The following LIPA variants were observed in gnomAD, a reference collection of about 807,000 sequenced individuals.
The protein encoded by LIPA is lipase A, lysosomal acid type.
Under a neutral mutation model 40.6 loss-of-function variants are expected in LIPA, and 26 were observed. That is an observed-to-expected ratio of 0.64 (90% CI 0.47 to 0.89). The LOEUF is 0.89. Ranked by LOEUF, LIPA falls within the 40% of genes least tolerant of loss-of-function variation. The pLI is 0.00. For synonymous variants in LIPA, 188 were observed against 168.4 expected (o/e 1.12, Z -0.90); for missense variants, 455 against 479.6 (o/e 0.95, Z 0.48).
Position 89,214,848 on chromosome 10 carries a change from G to C in LIPA, c.1180C>G (p.Leu394Val). Residue 394 changes from leucine to valine, a missense_variant, in exon 10 of 10, where the codon CTA (leucine) becomes GTA (valine). Leu to Val is a conservative substitution (Grantham distance 32). Transcript: ENST00000336233. ...AGCTTTCACTGATATTTCCTCATTA[G>C]ATTAATAATTTTATTATAAAGCCTC... is the stretch of plus-strand genomic sequence containing the variant. ...PWRLYNKIIN[L>V]MRKYQ is the part of the protein sequence containing the mutation. 6.2e-7 allele frequency: 1 copy of C among 1,600,466 alleles called. No individual in the cohort carries two copies. The highest frequency in any genetic ancestry group is 2.2e-5 in the East Asian group (1 of 44,838).
chr10:89,324,647 T>C (rs755234336), intron 1 of LIPA, among the ~76,000 whole-genome samples: 11 of 152,092 alleles, frequency 7.2e-5, no homozygotes, highest in Non-Finnish European at 1.3e-4. Context: ...TGAGAATCTA[T>C]AAGAAACTTA....
At chr10:89,327,868 A>C (rs947581710) in intron 1 of LIPA, 25 of 538,994 alleles carry the variant, frequency 4.6e-5, no homozygotes, top group Non-Finnish European at 7.0e-5. Flanking sequence ...CAACGATTTT[A>C]AATTAGTTTC....
rs537966234 is a variant in LIPA, at chr10:89,388,348, C to T, written c.61+24443G>A. Among the ~76,000 whole-genome samples the T allele has an allele frequency of 9.8e-4, 149 of 152,260 alleles. 2 individuals are homozygous for T. The highest frequency in any genetic ancestry group is 2.7e-3 in the Admixed American group (42 of 15,304). On this transcript the variant is annotated intron_variant, in intron 2 of 8. Coordinates refer to the LIPA transcript ENST00000371837. ...CTCGAACCCCTGACCTCAGGTGATC[C>T]GCCCATCTTGGCCTCCCACAGTGCT...
At chr10:89,407,269 G>C (rs893369350) in intron 2 of LIPA, among the ~76,000 whole-genome samples, 2 of 152,058 alleles carry the variant, frequency 1.3e-5, no homozygotes, top group African/African-American at 4.8e-5. Context: ...TTGCCTCCTG[G>C]GTCCTAATGC....
At chr10:89,383,266 C>A in intron 2 of LIPA, 1 of 1,480,596 alleles carries the variant, frequency 6.8e-7, no homozygotes, top group Non-Finnish European at 9.2e-7. Context: ...GCTTCATTTT[C>A]AGTGGACTGA....
chr10:89,259,779 AAAC>A (rs1589581194), intron 1 of LIPA, among the ~76,000 whole-genome samples: 1 of 152,290 alleles, frequency 6.6e-6, no homozygotes, highest in East Asian at 1.9e-4. Flanking sequence ...GAAAGAGGAC[AAAC>A]AAAAACAGTA....
At chr10:89,339,138 G>A (rs2863758) in intron 1 of LIPA, 2 of 1,614,092 alleles carry the variant, frequency 1.2e-6, no homozygotes, top group South Asian at 2.2e-5. Context: ...GTTTTGAGAA[G>A]GCTCTGGAAG....
chr10:89,365,798 CCATT>C (rs1844052664), intron 2 of LIPA, among the ~76,000 whole-genome samples: 1 of 152,110 alleles, frequency 6.6e-6, no homozygotes, highest in Non-Finnish European at 1.5e-5. Flanking sequence ...CTGTTCTGTT[CCATT>C]GGTGTACATC....
At chr10:89,290,184 C>T (rs1464721064) in intron 1 of LIPA, among the ~76,000 whole-genome samples, 1 of 152,168 alleles carries the variant, frequency 6.6e-6, no homozygotes, top group Non-Finnish European at 1.5e-5. Context: ...GTCCTGGGTC[C>T]TCCCAATTCT....
At chr10:89,309,749 C>A (rs1274483653) in intron 1 of LIPA, among the ~76,000 whole-genome samples, 1 of 152,178 alleles carries the variant, frequency 6.6e-6, no homozygotes, top group Non-Finnish European at 1.5e-5. Context: ...TTAAAGTTAA[C>A]AAATGATTGG....
At chr10:89,327,007 A>C (rs1407210909) in intron 1 of LIPA, among the ~76,000 whole-genome samples, 2 of 152,246 alleles carry the variant, frequency 1.3e-5, no homozygotes, top group Admixed American at 6.5e-5. Flanking sequence ...AAGGTGGGAC[A>C]ATTGGAAACA....
intron 2 of LIPA, among the ~76,000 whole-genome samples, chr10:89,366,515 GA>G (rs140054360): frequency 1.3e-5 from 2 of 151,874 alleles, no homozygotes; most frequent in Non-Finnish European, 2.9e-5. Flanking sequence ...AAATTTACAA[GA>G]AAAAAACAGA....
intron 1 of LIPA, among the ~76,000 whole-genome samples, chr10:89,266,801 T>G (rs1249009806): frequency 2.6e-5 from 4 of 152,260 alleles, no homozygotes; most frequent in Admixed American, 2.6e-4. Flanking sequence ...GTTCTGTGAC[T>G]TAATGTCTGT....
At chr10:89,396,914 T>C (rs1175063505) in intron 2 of LIPA, among the ~76,000 whole-genome samples, 1 of 152,240 alleles carries the variant, frequency 6.6e-6, no homozygotes, top group Non-Finnish European at 1.5e-5. Flanking sequence ...TGCCCATTTT[T>C]AAATTGGGTT....
At chr10:89,278,531 G>A (rs1365401600) in intron 1 of LIPA, 1 of 152,174 alleles carries the variant, frequency 6.6e-6, no homozygotes, top group Non-Finnish European at 1.5e-5. Context: ...GGGAAAGAGA[G>A]GTTAAGCAAG....
At position 89,388,153 on chromosome 10, in the gene LIPA, T is replaced by G. The variant is rs537438967; in HGVS notation, c.61+24638A>C. On this transcript the variant is annotated intron_variant, in intron 2 of 8. Transcript: ENST00000371837. ...CAGTGTCTCGCTCTGTCACCCAGGCTGGAGTGCAGTGGCATGATCTCAGCT... is the reference window on the plus strand; with the variant it reads ...CAGTGTCTCGCTCTGTCACCCAGGCGGGAGTGCAGTGGCATGATCTCAGCT... Among the ~76,000 whole-genome samples, 191 of 152,278 alleles carry G rather than the reference T, an allele frequency of 1.3e-3. 1 individual carries two copies. The highest frequency in any genetic ancestry group is 2.3e-3 in the Non-Finnish European group (156 of 68,020).
intron 2 of LIPA, chr10:89,403,833 TAATA>T (rs1363421847): frequency 1.1e-5 from 7 of 625,532 alleles, no homozygotes; most frequent in Admixed American, 3.4e-5. Flanking sequence ...AATTCTTGAA[TAATA>T]AATCTGACAA....
chr10:89,255,034 G>T (rs565006824), upstream of LIPA, among the ~76,000 whole-genome samples: 1 of 152,164 alleles, frequency 6.6e-6, no homozygotes, highest in African/African-American at 2.4e-5. Context: ...ACTTTCCCAC[G>T]TCTTCCTGAC....
At chr10:89,247,466 C>G (rs977806676) in intron 2 of LIPA, 72 bp downstream of exon 2, 1 of 782,844 alleles carries the variant, frequency 1.3e-6, no homozygotes, top group African/African-American at 1.7e-5. Context: ...ATGGGTATGG[C>G]TTCATGTAGC....
Sources: gnomAD v4.1 joint callset for allele counts (sites outside exome capture counted in the v4.1 genomes callset) on GRCh38, gnomAD v4.1.1 for gene constraint, MANE v1.5 for transcripts, NCBI Gene and HGNC (gene_info 2026-07-23, HGNC 2026-07-21) for gene names.